PFKFB3: variants seen among roughly 807,000 people sequenced by gnomAD.
The protein encoded by PFKFB3 is 6-phosphofructo-2-kinase/fructose-2,6-bisphosphatase 3.
PFKFB3 carries 33 observed loss-of-function variants against 68.0 expected under a neutral mutation model. The observed-to-expected ratio is 0.49, with a 90% CI of 0.37 to 0.65. The LOEUF is 0.65. Among genes scored for constraint, PFKFB3 ranks in the 30% least tolerant of loss-of-function variants. PFKFB3 has a pLI of 0.00. For missense variants in PFKFB3, 586 were observed against 712.2 expected (o/e 0.82, Z 2.02); for synonymous variants, 315 against 288.2 (o/e 1.09, Z -0.94).
intron 1 of PFKFB3, among the ~76,000 whole-genome samples, chr10:6,189,222 T>C (rs1221334566): frequency 2.6e-5 from 4 of 152,218 alleles, no homozygotes; most frequent in East Asian, 3.8e-4. Flanking sequence ...ATGGACACTT[T>C]GGTTGCTTTA....
At chr10:6,286,659 T>A in the PFKFB3 span, among the ~76,000 whole-genome samples, 11 of 152,256 alleles carry the variant, frequency 7.2e-5, no homozygotes, top group Non-Finnish European at 1.3e-4. Flanking sequence ...TTTATACATA[T>A]GAGCCACTGT....
chr10:6,306,992 T>C, the PFKFB3 span, among the ~76,000 whole-genome samples: 34 of 152,334 alleles, frequency 2.2e-4, no homozygotes, highest in East Asian at 2.3e-3. Context: ...TTTCAATTAG[T>C]AGACTTTGAG....
intron 1 of PFKFB3, among the ~76,000 whole-genome samples, chr10:6,191,651 G>A (rs4545442): frequency 0.018 from 2,761 of 152,286 alleles, 50 homozygotes; most frequent in East Asian, 0.057. Flanking sequence ...CAGCTGTTGG[G>A]GAAGTCCCTC....
chr10:6,206,563 C>T lies in PFKFB3; in HGVS notation c.76+3227C>T, dbSNP rs1415592548. Among the ~76,000 whole-genome samples the T allele has an allele frequency of 6.5e-4, 39 of 60,280 alleles. No individual in the cohort carries two copies. The East Asian group carries it at 8.7e-3, about 13-fold the overall frequency. 39.5% of individuals were successfully genotyped at this position (60,280 alleles called of 152,430 possible). A position where few individuals can be genotyped will look rare whatever the true frequency, so the allele number is the denominator to read the frequency against. Reference sequence around the variant, plus strand: ...GGCGCCCCTCACCTCCCGGACGGGGCGGCTGGCCGGGCAGGGGCTGACCCC... The same window carrying T: ...GGCGCCCCTCACCTCCCGGACGGGGTGGCTGGCCGGGCAGGGGCTGACCCC... On this transcript the variant is annotated intron_variant, in intron 1 of 14. Coordinates refer to ENST00000379775, the MANE Select transcript of PFKFB3 (RefSeq NM_004566.4).
intron 14 of PFKFB3, among the ~76,000 whole-genome samples, chr10:6,246,715 G>C (rs540570396): frequency 6.6e-5 from 10 of 152,126 alleles, no homozygotes; most frequent in Admixed American, 2.0e-4. Flanking sequence ...GGTTTGTTAC[G>C]TGGGTATATT....
chr10:6,183,937 G>T (rs868064415), intron 1 of PFKFB3, among the ~76,000 whole-genome samples: 42 of 151,502 alleles, frequency 2.8e-4, no homozygotes, highest in Non-Finnish European at 5.6e-4. Flanking sequence ...TGATCCACCC[G>T]CCTCGCCCTC....
chr10:6,285,050 T>C, the PFKFB3 span, among the ~76,000 whole-genome samples: 1 of 152,206 alleles, frequency 6.6e-6, no homozygotes, highest in African/African-American at 2.4e-5. Context: ...TGAACATTGG[T>C]ATACAAGTAT....
intron 1 of PFKFB3, among the ~76,000 whole-genome samples, chr10:6,180,480 T>A (rs1031437212): frequency 2.6e-5 from 4 of 152,062 alleles, no homozygotes; most frequent in Non-Finnish European, 5.9e-5. Context: ...TTTTGTTTTG[T>A]TTTTTGACAG....
At position 6,233,071 on chromosome 10, in the gene PFKFB3, G is replaced by C; in HGVS notation, c.*129G>C. 1.3e-6 allele frequency: 1 copy of C among 748,892 alleles called. No homozygotes were observed. The highest frequency in any genetic ancestry group is 2.3e-6 in the Non-Finnish European group (1 of 428,916). 46.4% of individuals were successfully genotyped at this position (748,892 alleles called of 1,614,324 possible). A position where few individuals can be genotyped will look rare whatever the true frequency, so the allele number is the denominator to read the frequency against. ...TGGGGTGGAGCAGCGGGGGAGCCTT[G>C]GCCGAAGAGAACCATGCTTGGCACC... On this transcript the variant is annotated 3_prime_UTR_variant, in exon 15 of 15. Coordinates refer to ENST00000379775, the MANE Select transcript of PFKFB3 (RefSeq NM_004566.4).
rs926083422 is a variant in PFKFB3 at position 6,233,611 on chromosome 10, G to C, written c.*669G>C. 1.3e-5 allele frequency: 2 copies of C among 152,744 alleles called. No individual in the cohort carries two copies. Among genetic ancestry groups the C allele is most frequent in the African/African-American group, 4.8e-5 (2 of 41,470 alleles). 9.5% of individuals were successfully genotyped at this position (152,744 alleles called of 1,614,324 possible). A position where few individuals can be genotyped will look rare whatever the true frequency, so the allele number is the denominator to read the frequency against. ...TCCAAAGATGTGCAAGGGCAGGCTG[G>C]CTGCACGGGGAGAGGGAAGTATTTT... On this transcript the variant is annotated 3_prime_UTR_variant, in exon 15 of 15. Transcript: ENST00000379775.
At chr10:6,297,185 G>A in the PFKFB3 span, among the ~76,000 whole-genome samples, 5 of 152,212 alleles carry the variant, frequency 3.3e-5, no homozygotes, top group African/African-American at 4.8e-5. Flanking sequence ...CAGATTCAGT[G>A]TTTGGCTAAG....
chr10:6,156,133 G>GTA (rs1841781472), intron 1 of PFKFB3, among the ~76,000 whole-genome samples: 1 of 136,560 alleles, frequency 7.3e-6, no homozygotes, highest in African/African-American at 2.8e-5. Flanking sequence ...ATATATATGT[G>GTA]TGTGTGTGTG....
chr10:6,178,530 G>A, intron 1 of PFKFB3, among the ~76,000 whole-genome samples: 1 of 148,794 alleles, frequency 6.7e-6, no homozygotes, highest in Non-Finnish European at 1.5e-5. Context: ...GGTCACAACA[G>A]GGAGGTGAAG....
At chr10:6,259,058 A>G (rs75921676), downstream of PFKFB3, among the ~76,000 whole-genome samples, 1,460 of 152,286 alleles carry the variant, frequency 9.6e-3, 15 homozygotes, top group African/African-American at 0.033. Flanking sequence ...CAGTTCATCT[A>G]TCCATACACT....
chr10:6,213,472 T>A, intron 1 of PFKFB3, 151 bp from the exon 2 acceptor site: 1 of 813,508 alleles, frequency 1.2e-6, no homozygotes, highest in Non-Finnish European at 2.0e-6. Flanking sequence ...GTAATCATGG[T>A]GGCCACCGTG....
At chr10:6,168,730 C>G (rs911861836) in intron 1 of PFKFB3, among the ~76,000 whole-genome samples, 3 of 152,160 alleles carry the variant, frequency 2.0e-5, no homozygotes, top group African/African-American at 7.2e-5. Flanking sequence ...CAGCAGCTGC[C>G]CACTCGCAGG....
chr10:6,172,253 C>T (rs1842338218), intron 1 of PFKFB3, among the ~76,000 whole-genome samples: 1 of 152,206 alleles, frequency 6.6e-6, no homozygotes, highest in Admixed American at 6.5e-5. Context: ...GTGGTGCAGC[C>T]TGAGAGAAGC....
downstream of PFKFB3, among the ~76,000 whole-genome samples, chr10:6,238,922 G>C (rs974315336): frequency 6.6e-6 from 1 of 152,156 alleles, no homozygotes; most frequent in Non-Finnish European, 1.5e-5. Context: ...TGGCTGTATA[G>C]TATTCCATGG....
At chr10:6,146,342 G>A (rs777326651) in intron 1 of PFKFB3, 3 of 1,530,658 alleles carry the variant, frequency 2.0e-6, no homozygotes, top group African/African-American at 2.7e-5. Context: ...GGTGAAGGGG[G>A]TGGCTGCTGA....
Sources: gnomAD v4.1 joint callset for allele counts (sites outside exome capture counted in the v4.1 genomes callset) on GRCh38, gnomAD v4.1.1 for gene constraint, MANE v1.5 for transcripts, NCBI Gene and HGNC (gene_info 2026-07-23, HGNC 2026-07-21) for gene names.